RHBDD2: variants seen among roughly 807,000 people sequenced by gnomAD.
RHBDD2 encodes the protein rhomboid domain containing 2, also known as rhomboid domain-containing protein 2.
RHBDD2 carries 13 observed loss-of-function variants against 21.7 expected under a neutral mutation model. The observed-to-expected ratio is 0.60, with a 90% CI of 0.39 to 0.95. RHBDD2 has a LOEUF of 0.95. Among genes scored for constraint, RHBDD2 ranks in the 40% least tolerant of loss-of-function variants. RHBDD2 has a pLI of 0.00. For missense variants in RHBDD2, 473 were observed against 478.9 expected, an observed-to-expected ratio of 0.99 and a Z score of 0.11; for synonymous variants, 225 against 220.0, an observed-to-expected ratio of 1.02 and a Z score of -0.20.
rs781949765 is a variant in RHBDD2 at position 75,888,544 on chromosome 7, C to G, written c.*195C>G. On this transcript the variant is annotated 3_prime_UTR_variant, in exon 4 of 4. Transcript: ENST00000006777. The stretch of plus-strand genomic sequence containing the variant: ...GGTGTACTGGCCCAGCTTACAGATG[C>G]AGAAAGCGAGACGTTCTGCCATCAG... The G allele has an allele frequency of 1.8e-5, 10 of 543,690 alleles. No individual in the cohort carries two copies. The highest frequency in any genetic ancestry group is 3.3e-5 in the Admixed American group (1 of 30,522). The allele number at this position is 543,690 out of a possible 1,614,324, so 33.7% of individuals were successfully genotyped here.
In RHBDD2 at chr7:75,881,367, A is replaced by G. The variant is rs782188300; in HGVS notation, c.179-462A>G. On this transcript the variant is annotated intron_variant, in intron 1 of 3. Transcript: ENST00000006777. ...CCCTTTTTTCTTCCTCTGAACAGCC[A>G]CTATGGAAGGAGGGGTCAGGATTAC... 5.4e-6 allele frequency: 7 copies of G among 1,291,444 alleles called. No individual in the cohort carries two copies. The South Asian group carries it at 7.4e-5, about 14-fold the overall frequency. 80.0% of individuals were successfully genotyped at this position (1,291,444 alleles called of 1,614,324 possible). A position where few individuals can be genotyped will look rare whatever the true frequency, so the allele number is the denominator to read the frequency against.
In RHBDD2 at chr7:75,880,914, C is replaced by CG. The variant is rs200288225; in HGVS notation, c.179-910dup. On this transcript the variant is annotated intron_variant, in intron 1 of 3. Coordinates refer to ENST00000006777, the MANE Select transcript of RHBDD2 (RefSeq NM_001040456.3). ...CTAATTTTTAAATTTTTTTTAAAGA[C>CG]GGGGGTCTCACTATGTTACCTAGGC... 7.8e-3 allele frequency among the ~76,000 whole-genome samples: 1,183 copies of CG among 152,024 alleles called. 12 individuals are homozygous for CG. Among genetic ancestry groups the CG allele is most frequent in the African/African-American group, 0.028 (1,142 of 41,462 alleles).
intron 3 of RHBDD2, 80 bp from the exon 4 acceptor site, chr7:75,887,912 C>A: frequency 8.3e-7 from 1 of 1,206,536 alleles, no homozygotes; most frequent in African/African-American, 1.5e-5. Flanking sequence ...TACTAGAAAG[C>A]GGGGGCAACC....
At chr7:75,881,344 C>T (rs1037449613) in intron 1 of RHBDD2, 12 of 1,289,950 alleles carry the variant, frequency 9.3e-6, no homozygotes, top group South Asian at 1.2e-5. Context: ...TTCATGGTCC[C>T]TTTTTTCTTC....
Position 75,888,100 on chromosome 7 carries a change from C to T in RHBDD2, c.846C>T (p.Ser282=), listed in dbSNP as rs782647470. The T allele has an allele frequency of 1.9e-6, 3 of 1,613,816 alleles. No individual in the cohort carries two copies. The highest frequency in any genetic ancestry group is 1.7e-5 in the Admixed American group (1 of 60,030). The change falls in exon 4 of 4, where the codon TCC becomes TCT. Residue 282 remains serine (S), a synonymous_variant. Coordinates refer to ENST00000006777, the MANE Select transcript of RHBDD2 (RefSeq NM_001040456.3). ...TQHASGQKLA[S]WPSCTPGHMP... ...ACGCCAGTGGTCAGAAGCTGGCCTC[C>T]TGGCCCTCCTGCACCCCCGGGCACA...
chr7:75,888,431 A>C lies in RHBDD2; in HGVS notation c.*82A>C. On this transcript the variant is annotated 3_prime_UTR_variant, in exon 4 of 4. Transcript: ENST00000006777. The stretch of plus-strand genomic sequence containing the variant: ...TCCTGACAAAAGTTACTTATTGAAC[A>C]CCTCTATGTGCCAGGCTCTGTGTTG... 9.2e-7 allele frequency: 1 copy of C among 1,092,742 alleles called. No homozygotes were observed. The highest frequency in any genetic ancestry group is 1.4e-6 in the Non-Finnish European group (1 of 740,264). 67.7% of individuals were successfully genotyped at this position (1,092,742 alleles called of 1,614,324 possible).
At chr7:75,886,591 G>T (rs1191887991) in intron 3 of RHBDD2, among the ~76,000 whole-genome samples, 14 of 152,044 alleles carry the variant, frequency 9.2e-5, no homozygotes, top group Admixed American at 4.6e-4. Context: ...GATGCGGGTG[G>T]ATCACGAGAT....
chr7:75,882,622 A>C (rs1427016028), intron 2 of RHBDD2, among the ~76,000 whole-genome samples: 2 of 151,994 alleles, frequency 1.3e-5, no homozygotes, highest in Non-Finnish European at 2.9e-5. Context: ...ACCGTGGCCG[A>C]GTCATATCTG....
chr7:75,881,005 G>A (rs1554542338), intron 1 of RHBDD2, among the ~76,000 whole-genome samples: 1 of 152,056 alleles, frequency 6.6e-6, no homozygotes, highest in Non-Finnish European at 1.5e-5. Context: ...GGGATTACAG[G>A]TGTGAGCCAC....
At chr7:75,881,580 G>T in intron 1 of RHBDD2, 1 of 1,319,176 alleles carries the variant, frequency 7.6e-7, no homozygotes, top group Non-Finnish European at 1.0e-6. Flanking sequence ...TTTCCCTCTG[G>T]AAGTCAGTTA....
chr7:75,884,258 G>T (rs533613042), intron 3 of RHBDD2, among the ~76,000 whole-genome samples: 9 of 152,004 alleles, frequency 5.9e-5, no homozygotes, highest in Non-Finnish European at 1.3e-4. Flanking sequence ...GTCTTGCCCT[G>T]TTGCCCAGGC....
chr7:75,886,969 G>A (rs1805714292), intron 3 of RHBDD2, among the ~76,000 whole-genome samples: 1 of 152,044 alleles, frequency 6.6e-6, no homozygotes, highest in Non-Finnish European at 1.5e-5. Context: ...CACGTGACAT[G>A]GAGTCCAGTC....
Position 75,883,823 on chromosome 7 carries a change from G to A in RHBDD2, c.712G>A (p.Glu238Lys), listed in dbSNP as rs781785279. Reference protein sequence around the residue: ...VFKYVSGSSAERRAAQSRKLN... With the variant: ...VFKYVSGSSAKRRAAQSRKLN... Reference sequence around the variant, plus strand: ...CAAGTACGTCTCAGGGTCTTCAGCCGAGAGGAGGGCAGCCCAGAGCCGGAA... The same window carrying A: ...CAAGTACGTCTCAGGGTCTTCAGCCAAGAGGAGGGCAGCCCAGAGCCGGAA... The change falls in exon 3 of 4, where the codon GAG becomes AAG. Residue 238 changes from glutamate (E) to lysine (K), a missense_variant. By Grantham distance (56) the Glu-to-Lys change is moderately conservative. Transcript: ENST00000006777. The A allele has an allele frequency of 3.7e-6, 6 of 1,613,938 alleles. No homozygotes were observed. Among genetic ancestry groups the A allele is most frequent in the South Asian group, 2.2e-5 (2 of 91,080 alleles).
At chr7:75,882,626 A>T (rs1386688661) in intron 2 of RHBDD2, among the ~76,000 whole-genome samples, 1 of 152,016 alleles carries the variant, frequency 6.6e-6, no homozygotes, top group African/African-American at 2.4e-5. Context: ...TGGCCGAGTC[A>T]TATCTGATCA....
intron 3 of RHBDD2, among the ~76,000 whole-genome samples, chr7:75,886,801 G>T (rs894425179): frequency 6.7e-6 from 1 of 149,716 alleles, no homozygotes; most frequent in South Asian, 2.1e-4. Context: ...GCAAAAGAGC[G>T]AGACTCCGTC....
At chr7:75,881,385 A>G in intron 1 of RHBDD2, 1 of 1,292,434 alleles carries the variant, frequency 7.7e-7, no homozygotes, top group Non-Finnish European at 1.0e-6. Context: ...AGGAGGGGTC[A>G]GGATTACAGC....
intron 1 of RHBDD2, chr7:75,881,329 A>C: frequency 7.8e-7 from 1 of 1,288,876 alleles, no homozygotes; most frequent in Non-Finnish European, 1.0e-6. Flanking sequence ...ACAGCTGCAA[A>C]ATAATTCATG....
chr7:75,883,633 C>A, intron 2 of RHBDD2, 65 bp from the exon 3 acceptor site: 6 of 1,444,396 alleles, frequency 4.2e-6, no homozygotes, highest in South Asian at 2.5e-5. Flanking sequence ...CCTGTGTTCT[C>A]CCCGGGGAGT....
intron 3 of RHBDD2, among the ~76,000 whole-genome samples, chr7:75,886,813 CAA>C (rs149181462): frequency 1.4e-4 from 15 of 110,568 alleles, no homozygotes; most frequent in Non-Finnish European, 1.4e-4. Context: ...GACTCCGTCT[CAA>C]AAAAAAAAAA....
Sources: gnomAD v4.1 joint callset for allele counts (sites outside exome capture counted in the v4.1 genomes callset) on GRCh38, gnomAD v4.1.1 for gene constraint, MANE v1.5 for transcripts, NCBI Gene and HGNC (gene_info 2026-07-23, HGNC 2026-07-21) for gene names.